Variants in PDE4D observed in about 807,000 individuals in gnomAD.
PDE4D encodes the protein 3',5'-cyclic-AMP phosphodiesterase 4D.
In PDE4D, 24 loss-of-function variants were observed where a neutral mutation model predicts 87.4. That is an observed-to-expected ratio of 0.27 (90% CI 0.20 to 0.39). The LOEUF is 0.39. Among genes scored for constraint, PDE4D ranks in the 10% least tolerant of loss-of-function variants. The pLI is 1.00. For synonymous variants in PDE4D, 384 were observed against 383.2 expected (o/e 1.00, Z -0.02); for missense variants, 714 against 1,041.0 (o/e 0.69, Z 4.32).
chr5:59,597,896 C>T (rs771759302), intron 1 of PDE4D, among the ~76,000 whole-genome samples: 7 of 152,024 alleles, frequency 4.6e-5, no homozygotes, highest in East Asian at 3.9e-4. Context: ...CATTCTGACT[C>T]GAGGGTGAAT....
intron 2 of PDE4D, among the ~76,000 whole-genome samples, chr5:60,049,978 T>G (rs1227830642): frequency 6.6e-6 from 1 of 152,134 alleles, no homozygotes; most frequent in Non-Finnish European, 1.5e-5. Flanking sequence ...GCTGCCACCT[T>G]GCAGTTTGAT....
At chr5:59,704,852 A>G (rs2150475719) in intron 1 of PDE4D, among the ~76,000 whole-genome samples, 1 of 152,322 alleles carries the variant, frequency 6.6e-6, no homozygotes, top group South Asian at 2.1e-4. Flanking sequence ...CAAAATGGAA[A>G]AAATGGAACC....
intron 1 of PDE4D, among the ~76,000 whole-genome samples, chr5:59,584,009 G>A (rs180686620): frequency 2.0e-5 from 3 of 152,220 alleles, no homozygotes; most frequent in East Asian, 1.9e-4. Context: ...ACTTCTGATC[G>A]GTCCCTTCAC....
At chr5:60,181,480 C>T (rs1024841192) in intron 2 of PDE4D, among the ~76,000 whole-genome samples, 1 of 152,112 alleles carries the variant, frequency 6.6e-6, no homozygotes. Context: ...CAAGGAGTTG[C>T]TTCCAGTTTT....
intron 1 of PDE4D, among the ~76,000 whole-genome samples, chr5:60,197,366 G>T (rs1329928414): frequency 6.6e-6 from 1 of 151,398 alleles, no homozygotes. Context: ...TCAATCAGCC[G>T]TGAATTCTAA....
rs367553450 is a variant in PDE4D at position 59,692,509 on chromosome 5, C to T, written c.455+200659G>A. ...GAGTAAACCCCATCACCTCATATTA[C>T]TCTCACGTACTGAGCTTTTAATATA... On this transcript the variant is annotated intron_variant, in intron 1 of 14. Transcript: ENST00000340635. Among the ~76,000 whole-genome samples, 6 of 152,146 alleles carry T rather than the reference C, an allele frequency of 3.9e-5. No homozygotes were observed. In the East Asian group the frequency reaches 9.6e-4, roughly 24 times the overall value.
intron 1 of PDE4D, among the ~76,000 whole-genome samples, chr5:59,522,184 T>C (rs1812360288): frequency 6.6e-6 from 1 of 152,236 alleles, no homozygotes; most frequent in South Asian, 2.1e-4. Context: ...AATAGTTAAT[T>C]GAATGGCTAT....
At chr5:59,452,494 G>A (rs1799315520) in intron 1 of PDE4D, among the ~76,000 whole-genome samples, 1 of 152,150 alleles carries the variant, frequency 6.6e-6, no homozygotes, top group Admixed American at 6.5e-5. Flanking sequence ...CTAAAAAGGA[G>A]GGCTGATGTA....
At chr5:59,180,292 G>A (rs906918954) in intron 5 of PDE4D, 8 of 533,296 alleles carry the variant, frequency 1.5e-5, no homozygotes, top group South Asian at 3.3e-5. Flanking sequence ...AATGGGAAGT[G>A]ACTTGAAAGT....
chr5:58,991,673 T>A (rs1747948161), intron 8 of PDE4D, among the ~76,000 whole-genome samples, 159 bp downstream of exon 8: 1 of 151,502 alleles, frequency 6.6e-6, no homozygotes, highest in South Asian at 2.1e-4. Context: ...TCTAAGGCAC[T>A]TTAAAAGGAG....
At chr5:59,640,708 A>T (rs1274995560) in intron 1 of PDE4D, among the ~76,000 whole-genome samples, 2 of 152,192 alleles carry the variant, frequency 1.3e-5, no homozygotes, top group African/African-American at 2.4e-5. Flanking sequence ...TCTCTACTGC[A>T]CAAATCCTGC....
chr5:59,544,864 C>T (rs1816991091), intron 1 of PDE4D, among the ~76,000 whole-genome samples: 1 of 152,208 alleles, frequency 6.6e-6, no homozygotes, highest in African/African-American at 2.4e-5. Context: ...GACAGTGTTT[C>T]TCAAGGATTA....
intron 1 of PDE4D, among the ~76,000 whole-genome samples, chr5:60,493,295 A>C (rs1001917931): frequency 2.6e-5 from 4 of 152,212 alleles, no homozygotes; most frequent in Admixed American, 2.6e-4. Flanking sequence ...AACCTAACCA[A>C]AAACGATTTG....
At chr5:60,321,278 A>G (rs185627112) in intron 1 of PDE4D, among the ~76,000 whole-genome samples, 89 of 152,340 alleles carry the variant, frequency 5.8e-4, no homozygotes, top group Non-Finnish European at 1.0e-3. Context: ...GACAAAGTCA[A>G]CAAAGACAAG....
At chr5:60,049,744 C>T (rs1030136451) in intron 2 of PDE4D, among the ~76,000 whole-genome samples, 1 of 152,326 alleles carries the variant, frequency 6.6e-6, no homozygotes, top group East Asian at 1.9e-4. Context: ...CAGCTGCATG[C>T]TGGGAGAACC....
intron 1 of PDE4D, among the ~76,000 whole-genome samples, chr5:59,491,813 G>A (rs1162821264): frequency 6.6e-6 from 1 of 152,152 alleles, no homozygotes; most frequent in East Asian, 1.9e-4. Context: ...TACTCTTCCT[G>A]GTGAGATAGC....
intron 2 of PDE4D, among the ~76,000 whole-genome samples, chr5:60,017,747 C>T (rs1197475532): frequency 6.6e-6 from 1 of 152,090 alleles, no homozygotes; most frequent in African/African-American, 2.4e-5. Context: ...AATAGTGCTG[C>T]AATGAACATA....
intron 1 of PDE4D, among the ~76,000 whole-genome samples, chr5:59,758,911 C>T (rs772831809): frequency 2.0e-5 from 3 of 151,944 alleles, no homozygotes; most frequent in Non-Finnish European, 4.4e-5. Context: ...GCCTTTATAA[C>T]CATATGACTT....
chr5:58,995,477 A>T (rs1181752350), intron 6 of PDE4D, among the ~76,000 whole-genome samples: 2 of 152,108 alleles, frequency 1.3e-5, no homozygotes, highest in East Asian at 3.9e-4. Flanking sequence ...AGAGTTCAAA[A>T]TTTTTTCTGT....
Sources: allele counts gnomAD v4.1 joint callset (sites outside exome capture counted in the v4.1 genomes callset), GRCh38; gene constraint gnomAD v4.1.1; transcripts MANE v1.5; gene names NCBI Gene and HGNC (gene_info 2026-07-23, HGNC 2026-07-21).